EYA2: variants seen among roughly 807,000 people sequenced by gnomAD.
EYA2 encodes the protein EYA transcriptional coactivator and phosphatase 2, also known as protein phosphatase EYA2.
In EYA2, 31 loss-of-function variants were observed where a neutral mutation model predicts 69.2. That is an observed-to-expected ratio of 0.45 (90% CI 0.34 to 0.60). EYA2 has a LOEUF of 0.60. EYA2 is among the 20% of genes least tolerant of loss of function. The probability of loss-of-function intolerance (pLI) is 0.02; values close to 1 mark genes in which losing one functional copy is unlikely to be tolerated. For missense variants in EYA2, 622 were observed against 701.2 expected (o/e 0.89, Z 1.28); for synonymous variants, 257 against 279.4 (o/e 0.92, Z 0.80).
intron 7 of EYA2, among the ~76,000 whole-genome samples, chr20:47,081,891 G>T (rs1006209874): frequency 1.3e-5 from 2 of 151,816 alleles, no homozygotes; most frequent in Non-Finnish European, 2.9e-5. Context: ...CCAGGCTGGA[G>T]TGCGATGGTG....
intron 1 of EYA2, among the ~76,000 whole-genome samples, chr20:46,923,005 A>G (rs1301205172): frequency 1.3e-5 from 2 of 152,186 alleles, no homozygotes; most frequent in Admixed American, 1.3e-4. Context: ...GGAACATTCC[A>G]TTTCAAAAAA....
At chr20:47,084,227 C>T (rs2031819311) in intron 7 of EYA2, among the ~76,000 whole-genome samples, 1 of 150,022 alleles carries the variant, frequency 6.7e-6, no homozygotes, top group Admixed American at 6.7e-5. Context: ...GCCTGGGCGA[C>T]AGAGTGAGAC....
At chr20:47,054,066 T>C (rs948532057) in intron 5 of EYA2, among the ~76,000 whole-genome samples, 22 of 152,160 alleles carry the variant, frequency 1.4e-4, no homozygotes, top group Admixed American at 1.3e-3. Flanking sequence ...ACAATTAACT[T>C]TCTTAGAGAA....
intron 5 of EYA2, among the ~76,000 whole-genome samples, chr20:47,048,694 G>A (rs1430326978): frequency 5.9e-5 from 9 of 152,292 alleles, no homozygotes; most frequent in East Asian, 1.9e-4. Flanking sequence ...CCAAGATCAC[G>A]CCATTGCATG....
At chr20:47,070,990 A>G (rs1266377523) in intron 5 of EYA2, among the ~76,000 whole-genome samples, 1 of 151,956 alleles carries the variant, frequency 6.6e-6, no homozygotes, top group Non-Finnish European at 1.5e-5. Context: ...CTGGAACTAT[A>G]GGCATGCGCC....
intron 9 of EYA2, among the ~76,000 whole-genome samples, chr20:47,126,520 G>GC (rs1048602882): frequency 6.6e-6 from 1 of 152,198 alleles, no homozygotes; most frequent in Admixed American, 6.5e-5. Context: ...GGGCAGAGCT[G>GC]CCCCTTGAGA....
At chr20:46,933,559 C>T (rs896281234) in intron 1 of EYA2, among the ~76,000 whole-genome samples, 4 of 152,190 alleles carry the variant, frequency 2.6e-5, no homozygotes, top group African/African-American at 7.2e-5. Context: ...AGTGGTGGGT[C>T]ACTCTGTTAT....
At chr20:47,091,085 C>G (rs1249539191) in intron 8 of EYA2, among the ~76,000 whole-genome samples, 1 of 152,160 alleles carries the variant, frequency 6.6e-6, no homozygotes, top group East Asian at 1.9e-4. Context: ...CTGCAATGCT[C>G]AGCCACAAAC....
rs148595917 is a variant in EYA2 at position 47,094,379 on chromosome 20, A to G, written c.805-2706A>G. Among the ~76,000 whole-genome samples, 833 of 152,344 alleles carry G rather than the reference A, an allele frequency of 5.5e-3. 7 individuals are homozygous for G. The highest frequency in any genetic ancestry group is 0.019 in the African/African-American group (795 of 41,576). On this transcript the variant is annotated intron_variant, in intron 8 of 15. Transcript: ENST00000327619. Reference sequence around the variant, plus strand: ...ATTTTTACCATGACCCGTAATAAGAAATATACTTACTATGATGGCCCAGCA... The same window carrying G: ...ATTTTTACCATGACCCGTAATAAGAGATATACTTACTATGATGGCCCAGCA...
rs1397872295 is a variant in EYA2 at position 46,987,977 on chromosome 20, TATATATATATATATATATATGG to T, written c.-10-2023_-10-2002del. ...CTCTCTCTCTCTCTATATATATATA[TATATATATATATATATATATGG>T]GGCAAAAAAAAAATACAGAATAAAA... On this transcript the variant is annotated intron_variant, in intron 1 of 15. Coordinates refer to ENST00000327619, the MANE Select transcript of EYA2 (RefSeq NM_005244.5). Among the ~76,000 whole-genome samples the T allele has an allele frequency of 3.5e-4, 25 of 70,454 alleles. 1 individual carries two copies. Among genetic ancestry groups the T allele is most frequent in the African/African-American group, 1.8e-3 (25 of 14,204 alleles). 46.2% of individuals were successfully genotyped at this position (70,454 alleles called of 152,430 possible).
chr20:47,150,332 A>T (rs1245838279), intron 10 of EYA2, among the ~76,000 whole-genome samples: 1 of 152,184 alleles, frequency 6.6e-6, no homozygotes, highest in Non-Finnish European at 1.5e-5. Context: ...ATGAATTAGG[A>T]TACAAGCTCA....
chr20:47,104,260 A>G (rs1237613588), intron 9 of EYA2, among the ~76,000 whole-genome samples: 1 of 152,186 alleles, frequency 6.6e-6, no homozygotes, highest in Non-Finnish European at 1.5e-5. Flanking sequence ...ATATTTATTC[A>G]AATCTTTTGC....
intron 1 of EYA2, among the ~76,000 whole-genome samples, chr20:46,915,424 G>A (rs1026246448): frequency 2.0e-5 from 3 of 152,176 alleles, no homozygotes; most frequent in Non-Finnish European, 4.4e-5. Context: ...GTGGCAGAAC[G>A]TGGATGTTAT....
chr20:46,973,427 C>T (rs1980259378), intron 1 of EYA2, among the ~76,000 whole-genome samples: 1 of 152,182 alleles, frequency 6.6e-6, no homozygotes, highest in South Asian at 2.1e-4. Context: ...ATCTTACAAT[C>T]CACCCTTACA....
chr20:47,021,790 A>T (rs183532219), intron 5 of EYA2, among the ~76,000 whole-genome samples: 5 of 152,222 alleles, frequency 3.3e-5, no homozygotes, highest in African/African-American at 1.2e-4. Flanking sequence ...TGTGTAGGAA[A>T]TTAAAAGTTC....
At chr20:46,899,827 C>T (rs1478324648) in intron 1 of EYA2, among the ~76,000 whole-genome samples, 1 of 152,160 alleles carries the variant, frequency 6.6e-6, no homozygotes, top group Admixed American at 6.5e-5. Context: ...GCTTCGTCAG[C>T]GCTGTCATCG....
intron 8 of EYA2, among the ~76,000 whole-genome samples, chr20:47,093,663 G>C (rs902108928): frequency 1.3e-5 from 2 of 152,184 alleles, no homozygotes; most frequent in African/African-American, 2.4e-5. Context: ...TTCCCTCTCT[G>C]GGCACCAGCG....
At chr20:46,956,905 T>A (rs1341748763) in intron 1 of EYA2, among the ~76,000 whole-genome samples, 3 of 152,210 alleles carry the variant, frequency 2.0e-5, no homozygotes, top group Non-Finnish European at 4.4e-5. Flanking sequence ...AGGGAAACTC[T>A]GCTTTATAAA....
chr20:47,145,187 C>G (rs988565002), intron 10 of EYA2, among the ~76,000 whole-genome samples: 8 of 151,582 alleles, frequency 5.3e-5, no homozygotes, highest in African/African-American at 1.9e-4. Context: ...ATAAAATAAT[C>G]AGATGTGAGA....
Sources: allele counts gnomAD v4.1 joint callset (sites outside exome capture counted in the v4.1 genomes callset), GRCh38; gene constraint gnomAD v4.1.1; transcripts MANE v1.5; gene names NCBI Gene and HGNC (gene_info 2026-07-23, HGNC 2026-07-21).